The following NTM variants were observed in gnomAD, a reference collection of about 807,000 sequenced individuals.
The protein encoded by NTM is neurotrimin, also known as IgLON family member 2.
Under a neutral mutation model 42.1 loss-of-function variants are expected in NTM, and 13 were observed. The observed-to-expected ratio is 0.31, with a 90% CI of 0.20 to 0.49. The LOEUF (loss-of-function observed/expected upper bound fraction) is 0.49. Among genes scored for constraint, NTM ranks in the 20% least tolerant of loss-of-function variants. The pLI is 0.99. For synonymous variants in NTM, 187 were observed against 179.2 expected, an observed-to-expected ratio of 1.04 and a Z score of -0.35; for missense variants, 373 against 452.8, an observed-to-expected ratio of 0.82 and a Z score of 1.60.
chr11:131,848,864 C>G (rs2045219132), intron 1 of NTM, among the ~76,000 whole-genome samples: 1 of 152,286 alleles, frequency 6.6e-6, no homozygotes, highest in South Asian at 2.1e-4. Flanking sequence ...CTGTTTTTCT[C>G]ACAAACCAGG....
At chr11:131,715,627 C>A (rs555179773) in intron 1 of NTM, among the ~76,000 whole-genome samples, 9 of 152,264 alleles carry the variant, frequency 5.9e-5, no homozygotes, top group African/African-American at 2.2e-4. Flanking sequence ...GTAATCTGTT[C>A]CTCCTGTCAG....
intron 2 of NTM, among the ~76,000 whole-genome samples, chr11:131,970,145 A>G (rs2063349095): frequency 1.3e-5 from 2 of 152,234 alleles, no homozygotes; most frequent in South Asian, 2.1e-4. Flanking sequence ...AAGCAATGCA[A>G]TTAGAAACTT....
At chr11:132,204,494 G>GTT (rs2081652616) in intron 3 of NTM, among the ~76,000 whole-genome samples, 1 of 152,182 alleles carries the variant, frequency 6.6e-6, no homozygotes, top group Admixed American at 6.5e-5. Context: ...CAGGCTGGGG[G>GTT]TTCTCTTGTA....
At chr11:131,867,950 G>A (rs1401693220) in intron 1 of NTM, among the ~76,000 whole-genome samples, 1 of 152,048 alleles carries the variant, frequency 6.6e-6, no homozygotes, top group Non-Finnish European at 1.5e-5. Flanking sequence ...TGACCATGTT[G>A]AGTGGAAGAG....
chr11:131,378,864 T>C (rs566043419), intron 1 of NTM, among the ~76,000 whole-genome samples: 2 of 152,324 alleles, frequency 1.3e-5, no homozygotes, highest in Admixed American at 1.3e-4. Context: ...TGCTCCCTCC[T>C]TCTCATGGTC....
At chr11:131,936,318 A>G (rs1466823600) in intron 2 of NTM, among the ~76,000 whole-genome samples, 1 of 152,222 alleles carries the variant, frequency 6.6e-6, no homozygotes, top group Non-Finnish European at 1.5e-5. Flanking sequence ...TGGAGGTATT[A>G]CTGTAAGACA....
intron 1 of NTM, among the ~76,000 whole-genome samples, chr11:131,818,550 G>A (rs1003410078): frequency 6.6e-6 from 1 of 152,092 alleles, no homozygotes; most frequent in African/African-American, 2.4e-5. Flanking sequence ...GTTGGGGGTT[G>A]GGGGCAGGCT....
intron 2 of NTM, among the ~76,000 whole-genome samples, chr11:132,071,722 G>A (rs530068408): frequency 2.6e-5 from 4 of 152,202 alleles, no homozygotes; most frequent in East Asian, 3.9e-4. Flanking sequence ...TGGGGTGTGC[G>A]TTTTTGTGTG....
chr11:132,084,169 G>T (rs2059417060), intron 2 of NTM, among the ~76,000 whole-genome samples: 1 of 152,050 alleles, frequency 6.6e-6, no homozygotes, highest in Non-Finnish European at 1.5e-5. Flanking sequence ...TCAAATTCAT[G>T]TAGCTGATTA....
chr11:132,164,855 C>A (rs2075009639), intron 3 of NTM, among the ~76,000 whole-genome samples: 1 of 152,182 alleles, frequency 6.6e-6, no homozygotes, highest in South Asian at 2.1e-4. Flanking sequence ...GGTTTCAATA[C>A]CATCCAACAA....
chr11:132,188,927 C>CG (rs1288486719), intron 3 of NTM, among the ~76,000 whole-genome samples: 1 of 152,100 alleles, frequency 6.6e-6, no homozygotes, highest in Non-Finnish European at 1.5e-5. Context: ...TCTAGAAATG[C>CG]GCACACATGA....
chr11:131,473,904 C>A (rs1245471066), intron 1 of NTM, among the ~76,000 whole-genome samples: 1 of 152,126 alleles, frequency 6.6e-6, no homozygotes, highest in Admixed American at 6.5e-5. Flanking sequence ...TTTTCTTGAT[C>A]TACTTTTCTT....
At chr11:131,869,246 A>T (rs1480521985) in intron 1 of NTM, among the ~76,000 whole-genome samples, 1 of 152,226 alleles carries the variant, frequency 6.6e-6, no homozygotes, top group African/African-American at 2.4e-5. Context: ...TGACTGGAAG[A>T]GGGAACAGGC....
At chr11:131,682,684 G>T (rs944088873) in intron 1 of NTM, among the ~76,000 whole-genome samples, 6 of 152,184 alleles carry the variant, frequency 3.9e-5, no homozygotes, top group Admixed American at 2.0e-4. Flanking sequence ...CACCCTGAGC[G>T]CATCTCTGCT....
At chr11:132,191,906 C>G (rs933890381) in intron 3 of NTM, among the ~76,000 whole-genome samples, 2 of 152,072 alleles carry the variant, frequency 1.3e-5, no homozygotes, top group Non-Finnish European at 2.9e-5. Flanking sequence ...ATAGATCAAG[C>G]TGAGGAAAGA....
chr11:132,068,201 T>G (rs1284785116), intron 2 of NTM, among the ~76,000 whole-genome samples: 1 of 152,236 alleles, frequency 6.6e-6, no homozygotes, highest in Non-Finnish European at 1.5e-5. Context: ...ATTTTGCAAT[T>G]TAAACAAGCT....
chr11:131,990,061 T>A (rs7937231), intron 2 of NTM, among the ~76,000 whole-genome samples: 36,955 of 152,046 alleles, frequency 0.24, 4,703 homozygotes, highest in African/African-American at 0.28. Context: ...GGTAGAGGAA[T>A]CAGTCTTATT....
At chr11:131,612,844 T>C (rs904824526) in intron 1 of NTM, among the ~76,000 whole-genome samples, 1 of 152,304 alleles carries the variant, frequency 6.6e-6, no homozygotes, top group East Asian at 1.9e-4. Flanking sequence ...AGGAAGCCTG[T>C]CCCCAAATCC....
At chr11:131,707,108 C>T (rs946102217) in intron 1 of NTM, among the ~76,000 whole-genome samples, 4 of 151,870 alleles carry the variant, frequency 2.6e-5, no homozygotes, top group African/African-American at 9.7e-5. Context: ...AAATATTCTT[C>T]CTGTTGAACT....
Sources: allele counts gnomAD v4.1 joint callset (sites outside exome capture counted in the v4.1 genomes callset), GRCh38; gene constraint gnomAD v4.1.1; transcripts MANE v1.5; gene names NCBI Gene and HGNC (gene_info 2026-07-23, HGNC 2026-07-21).